CFAP47: variants seen among roughly 807,000 people sequenced by gnomAD.
CFAP47 encodes the protein cilia- and flagella-associated protein 47.
Under a neutral mutation model 148.1 loss-of-function variants are expected in CFAP47, and 29 were observed. The ratio of observed to expected loss-of-function variants is 0.20; its 90% CI spans 0.15 to 0.27. CFAP47 has a LOEUF of 0.27. Ranked by LOEUF, CFAP47 falls within the 10% of genes least tolerant of loss-of-function variation. The pLI, the probability that CFAP47 is intolerant of heterozygous loss-of-function variation, is 1.00. For synonymous variants in CFAP47, 664 were observed against 577.3 expected, an observed-to-expected ratio of 1.15 and a Z score of -2.15; for missense variants, 1,872 against 1,697.5, an observed-to-expected ratio of 1.10 and a Z score of -1.81.
At chrX:36,339,456 A>T (rs1315808800) in intron 57 of CFAP47, among the ~76,000 whole-genome samples, 3 of 112,186 alleles carry the variant, frequency 2.7e-5, no homozygotes, top group East Asian at 5.6e-4. Flanking sequence ...TTTCCTAGAA[A>T]AATATACAGT....
chrX:36,290,808 A>G (rs1941185915), intron 51 of CFAP47, among the ~76,000 whole-genome samples: 2 of 112,290 alleles, frequency 1.8e-5, no homozygotes, highest in Non-Finnish European at 3.8e-5. Flanking sequence ...TAGGACAGGA[A>G]TTTAGGAGGA....
intron 37 of CFAP47, among the ~76,000 whole-genome samples, chrX:36,150,898 T>C (rs1017763535): frequency 2.7e-5 from 3 of 112,160 alleles, no homozygotes; most frequent in African/African-American, 6.5e-5. Context: ...GTTAAATTTC[T>C]AATATGTCTA....
At chrX:36,035,885 T>C in intron 24 of CFAP47, 31 bp downstream of exon 24, 1 of 293,598 alleles carries the variant, frequency 3.4e-6, no homozygotes, top group Non-Finnish European at 6.0e-6. Context: ...TTTGTAGTTA[T>C]ACTTTCAATT....
chrX:36,187,541 A>G (rs1174809866), intron 40 of CFAP47, among the ~76,000 whole-genome samples: 1 of 112,164 alleles, frequency 8.9e-6, no homozygotes, highest in Non-Finnish European at 1.9e-5. Context: ...AGTCTTTGTT[A>G]TTCTTTCTAT....
chrX:36,035,397 A>G (rs901342884), intron 23 of CFAP47, among the ~76,000 whole-genome samples: 36 of 111,695 alleles, frequency 3.2e-4, no homozygotes, highest in African/African-American at 1.1e-3. Context: ...ACAGACTGTG[A>G]TGCACTGTAT....
chrX:36,295,180 A>G (rs1414333160), intron 51 of CFAP47, among the ~76,000 whole-genome samples: 1 of 112,454 alleles, frequency 8.9e-6, no homozygotes, highest in African/African-American at 3.2e-5. Context: ...AAGGCTTTAG[A>G]AGTCATCATG....
intron 8 of CFAP47, among the ~76,000 whole-genome samples, chrX:35,966,195 A>T (rs1170944291): frequency 9.2e-6 from 1 of 108,881 alleles, no homozygotes; most frequent in African/African-American, 3.2e-5. Context: ...AGTTACTAAT[A>T]TTTAAGAAAT....
intron 26 of CFAP47, among the ~76,000 whole-genome samples, chrX:36,055,015 A>G (rs1601950720): frequency 9.3e-6 from 1 of 107,734 alleles, no homozygotes; most frequent in East Asian, 2.9e-4. Context: ...CTCATGATCC[A>G]CCCGCCTCGG....
intron 1 of CFAP47, among the ~76,000 whole-genome samples, chrX:35,925,683 G>A (rs761406517): frequency 1.4e-4 from 16 of 112,217 alleles, no homozygotes; most frequent in Admixed American, 1.0e-3. Flanking sequence ...TTGAGACCGA[G>A]TCTTGCTCTG....
At chrX:35,926,675 T>C (rs1172627206) in intron 2 of CFAP47, among the ~76,000 whole-genome samples, 1 of 112,070 alleles carries the variant, frequency 8.9e-6, no homozygotes, top group Admixed American at 9.5e-5. Context: ...TGTTAAAATT[T>C]AAAGTGTTTC....
Position 36,085,414 on chromosome X carries a change from C to T in CFAP47, c.4792C>T (p.Leu1598=), listed in dbSNP as rs1200856933. ...ATATAATAAGACCATTTATGATGTG[C>T]TGCTCCATTTGAGTGGAAAAATGCC... ...SKYNKTIYDV[L]LHLSGKMPPG... Residue 1598 remains leucine (L), a synonymous_variant, in exon 30 of 64, where the codon CTG becomes TTG. Transcript: ENST00000378653. 3 of 1,202,286 alleles carry T rather than the reference C, an allele frequency of 2.5e-6. No homozygotes were observed. The highest frequency in any genetic ancestry group is 3.4e-6 in the Non-Finnish European group (3 of 887,841).
intron 21 of CFAP47, among the ~76,000 whole-genome samples, chrX:36,014,158 C>T (rs1311882925): frequency 9.0e-6 from 1 of 111,567 alleles, no homozygotes; most frequent in Non-Finnish European, 1.9e-5. Flanking sequence ...ATTTGCATTT[C>T]CTTAGTATGA....
At chrX:36,003,967 C>CTTTTTTTT (rs761024902) in intron 21 of CFAP47, among the ~76,000 whole-genome samples, 16 of 66,388 alleles carry the variant, frequency 2.4e-4, no homozygotes, top group African/African-American at 8.8e-4. Flanking sequence ...CTTTCTTTTT[C>CTTTTTTTT]TTTTTTTTTT....
Position 35,971,611 on chromosome X carries a change from A to G in CFAP47, c.1996A>G (p.Thr666Ala). 8.5e-7 allele frequency: 1 copy of G among 1,176,821 alleles called. No individual in the cohort carries two copies. Residue 666 changes from threonine to alanine, a missense_variant, in exon 12 of 64, where the codon ACA (threonine) becomes GCA (alanine). Thr to Ala is a moderately conservative substitution (Grantham distance 58). Coordinates refer to ENST00000378653, the MANE Select transcript of CFAP47 (RefSeq NM_001304548.2). ...GGAGCGCATGTATTCATATGATGAT[A>G]CAGACATAGGCTTAGAGCCAGGATC... is the stretch of plus-strand genomic sequence containing the variant. Reference protein sequence around the residue: ...ERERMYSYDDTDIGLEPGSGL... With the variant: ...ERERMYSYDDADIGLEPGSGL...
At position 36,104,152 on chromosome X, in the gene CFAP47, T is replaced by C. The variant is rs369676946; in HGVS notation, c.5128-347T>C. 1.8e-4 allele frequency among the ~76,000 whole-genome samples: 20 copies of C among 112,263 alleles called. No homozygotes were observed. The East Asian group carries it at 5.1e-3, about 28-fold the overall frequency. Reference sequence around the variant, plus strand: ...GGCTTTTCTAAGCTGCATGAGCTGGTAAGGAAATAAGAAAGGCATCTTACA... The same window carrying C: ...GGCTTTTCTAAGCTGCATGAGCTGGCAAGGAAATAAGAAAGGCATCTTACA... On this transcript the variant is annotated intron_variant, in intron 32 of 63. Coordinates refer to ENST00000378653, the MANE Select transcript of CFAP47 (RefSeq NM_001304548.2).
At chrX:35,932,485 C>G (rs185525872) in intron 2 of CFAP47, among the ~76,000 whole-genome samples, 9 of 109,391 alleles carry the variant, frequency 8.2e-5, no homozygotes, top group African/African-American at 3.0e-4. Context: ...CTTTTGGGCT[C>G]AAGCAATCCT....
In CFAP47 at chrX:36,350,127, C is replaced by T; in HGVS notation, c.8693C>T (p.Pro2898Leu). ...CCACAAGCACCACCTCCTAAATCTCCCCCAGGTAGGTATACATTAGGGTCA... is the reference window on the plus strand; with the variant it reads ...CCACAAGCACCACCTCCTAAATCTCTCCCAGGTAGGTATACATTAGGGTCA... ...GLPQAPPPKS[P>L]PVVIQCQSRK... Residue 2898 changes from proline (P) to leucine (L), a missense_variant, in exon 59 of 64, where the codon CCC becomes CTC. Physicochemically the swap from Pro to Leu is moderately conservative, Grantham distance 98 (BLOSUM62 -3). Transcript: ENST00000378653. 1 of 1,115,491 alleles carries T rather than the reference C, an allele frequency of 9.0e-7. No homozygotes were observed. Among genetic ancestry groups the T allele is most frequent in the Non-Finnish European group, 1.2e-6 (1 of 826,149 alleles). 91.9% of individuals were successfully genotyped at this position (1,115,491 alleles called of 1,213,427 possible).
At chrX:36,238,343 C>T (rs782341094) in intron 48 of CFAP47, among the ~76,000 whole-genome samples, 37 of 112,332 alleles carry the variant, frequency 3.3e-4, no homozygotes, top group Non-Finnish European at 4.5e-4. Context: ...ATGATAGTGA[C>T]GCCTCCCCAG....
intron 33 of CFAP47, among the ~76,000 whole-genome samples, chrX:36,118,154 T>C (rs1212125092): frequency 8.9e-6 from 1 of 112,251 alleles, no homozygotes; most frequent in Admixed American, 9.4e-5. Context: ...CTCTGTAGTA[T>C]AATTTGAAGT....
Sources: allele counts gnomAD v4.1 joint callset (sites outside exome capture counted in the v4.1 genomes callset), GRCh38; gene constraint gnomAD v4.1.1; transcripts MANE v1.5; gene names NCBI Gene and HGNC (gene_info 2026-07-23, HGNC 2026-07-21).